OAT: variants seen among roughly 807,000 people sequenced by gnomAD.
OAT encodes ornithine aminotransferase.
OAT carries 35 observed loss-of-function variants against 48.4 expected under a neutral mutation model. That is an observed-to-expected ratio of 0.72 (90% CI 0.55 to 0.96). The LOEUF (loss-of-function observed/expected upper bound fraction) is 0.96. Among genes scored for constraint, OAT ranks in the 40% least tolerant of loss-of-function variants. The pLI, the probability that OAT is intolerant of heterozygous loss-of-function variation, is 0.00. For synonymous variants in OAT, 182 were observed against 198.4 expected (o/e 0.92, Z 0.70); for missense variants, 438 against 537.9 (o/e 0.81, Z 1.84).
intron 4 of OAT, 37 bp downstream of exon 4, chr10:124,408,505 G>T: frequency 6.5e-7 from 1 of 1,535,096 alleles, no homozygotes. Flanking sequence ...TATATTGTAT[G>T]TTTCAATCAT....
intron 9 of OAT, among the ~76,000 whole-genome samples, chr10:124,399,448 C>T (rs1431171234): frequency 2.0e-5 from 3 of 147,244 alleles, no homozygotes; most frequent in Admixed American, 1.4e-4. Context: ...CAGGTTCAAG[C>T]GATTCTCCTG....
At chr10:124,417,342 T>C (rs557004867) in intron 1 of OAT, among the ~76,000 whole-genome samples, 34 of 143,402 alleles carry the variant, frequency 2.4e-4, no homozygotes, top group Non-Finnish European at 3.9e-4. Flanking sequence ...TGGAGTGCAG[T>C]GGCACGATCT....
At chr10:124,407,541 G>A (rs1951619675) in intron 4 of OAT, 1 of 720,800 alleles carries the variant, frequency 1.4e-6, no homozygotes, top group Non-Finnish European at 1.7e-6. Context: ...TTCTTCTTTG[G>A]GAATACCAAT....
intron 9 of OAT, among the ~76,000 whole-genome samples, chr10:124,400,385 TTGCAGTCAGCCAAAATGG>T (rs1951369130): frequency 6.7e-6 from 1 of 148,282 alleles, no homozygotes; most frequent in South Asian, 2.1e-4. Flanking sequence ...GCATCGGAAG[TTGCAGTCAGCCAAAATGG>T]CGCCATTGCA....
At chr10:124,404,012 A>G in intron 5 of OAT, 92 bp from the exon 6 acceptor site, 2 of 1,507,600 alleles carry the variant, frequency 1.3e-6, no homozygotes, top group Non-Finnish European at 1.8e-6. Flanking sequence ...TACATTAAGT[A>G]TGCAAATCAA....
chr10:124,404,617 C>G (rs1951520152), intron 5 of OAT, among the ~76,000 whole-genome samples: 1 of 151,872 alleles, frequency 6.6e-6, no homozygotes, highest in Non-Finnish European at 1.5e-5. Context: ...TAGAGACAGG[C>G]TCTCCCTATG....
chr10:124,411,139 C>CA (rs370084432), intron 2 of OAT, among the ~76,000 whole-genome samples: 2,940 of 15,018 alleles, frequency 0.2, 696 homozygotes, highest in Middle Eastern at 0.25. Flanking sequence ...CATTCCGTCT[C>CA]AAAAAAAAAA....
At chr10:124,415,023 C>T (rs993876056) in intron 1 of OAT, 2 of 127,732 alleles carry the variant, frequency 1.6e-5, no homozygotes, top group Admixed American at 1.0e-4. Flanking sequence ...TTCTGGGCTG[C>T]AGTGAGCCAC....
rs2240882 is a variant in OAT, at chr10:124,403,245, A to C, written c.772-190T>G. 0.29 allele frequency: 186,719 copies of C among 653,408 alleles called. 27,585 individuals are homozygous for C. Among genetic ancestry groups the C allele is most frequent in the Middle Eastern group, 0.32 (1,256 of 3,962 alleles). The allele number at this position is 653,408 out of a possible 1,614,324, so 40.5% of individuals were successfully genotyped here. A position where few individuals can be genotyped will look rare whatever the true frequency, so the allele number is the denominator to read the frequency against. ...TAAGAATCTTGTAGACTCACCAACT[A>C]TTTCCTTTGTCAGGCCACTATCTCC... On this transcript the variant is annotated intron_variant, in intron 6 of 9. Transcript: ENST00000368845.
intron 4 of OAT, chr10:124,407,572 C>A (rs1011831389): frequency 3.9e-5 from 14 of 362,682 alleles, no homozygotes; most frequent in Non-Finnish European, 5.4e-5. Context: ...AAATACCAAT[C>A]ACCTCTGGCC....
chr10:124,406,150 A>G, intron 4 of OAT: 1 of 980,566 alleles, frequency 1.0e-6, no homozygotes. Flanking sequence ...TTTTTTATCC[A>G]TTAATAAAGG....
intron 1 of OAT, among the ~76,000 whole-genome samples, chr10:124,413,094 C>T (rs1951806703): frequency 6.6e-6 from 1 of 152,086 alleles, no homozygotes; most frequent in Non-Finnish European, 1.5e-5. Flanking sequence ...GCCACTGTGC[C>T]CAGCCTAAAA....
At chr10:124,414,593 C>T (rs891749040) in intron 1 of OAT, among the ~76,000 whole-genome samples, 3 of 152,226 alleles carry the variant, frequency 2.0e-5, no homozygotes, top group Admixed American at 2.0e-4. Context: ...AAATGTCTAA[C>T]TGTACTATAT....
chr10:124,408,968 A>C lies in OAT; in HGVS notation c.200-3T>G. On this transcript the variant is annotated splice_polypyrimidine_tract_variant and splice_region_variant and intron_variant, in intron 2 of 9. Coordinates refer to ENST00000368845, the MANE Select transcript of OAT (RefSeq NM_000274.4). ...TTCTACATCCCATAAGTAAATACCT[A>C]AAATACATAAGAAAGGAAAATAATT... The C allele has an allele frequency of 6.2e-7, 1 of 1,603,916 alleles. No homozygotes were observed. Among genetic ancestry groups the C allele is most frequent in the Non-Finnish European group, 8.5e-7 (1 of 1,170,856 alleles).
At chr10:124,398,289 T>C (rs539842645) in intron 9 of OAT, among the ~76,000 whole-genome samples, 187 bp from the exon 10 acceptor site, 1 of 152,044 alleles carries the variant, frequency 6.6e-6, no homozygotes, top group African/African-American at 2.4e-5. Flanking sequence ...GGTGGGTGGA[T>C]CACGAGGTCA....
chr10:124,415,074 TAAAAAAAAAAAAAAAAAAA>T (rs75952005), intron 1 of OAT: 32 of 16,858 alleles, frequency 1.9e-3, no homozygotes, highest in East Asian at 3.8e-3. Flanking sequence ...TACAAAGCGC[TAAAAAAAAAAAAAAAAAAA>T]AAAAAAAAAA....
chr10:124,407,132 AC>A, intron 4 of OAT: 2 of 985,396 alleles, frequency 2.0e-6, no homozygotes, highest in Non-Finnish European at 2.4e-6. Flanking sequence ...AGCATCCCTT[AC>A]CCACAAGTAA....
intron 6 of OAT, 112 bp from the exon 7 acceptor site, chr10:124,403,167 G>T: frequency 8.2e-7 from 1 of 1,212,872 alleles, no homozygotes; most frequent in Non-Finnish European, 1.2e-6. Context: ...ATTCTGATGT[G>T]CCCTCAAATT....
At chr10:124,408,429 T>G (rs1035570781) in intron 4 of OAT, 113 bp downstream of exon 4, 1 of 841,146 alleles carries the variant, frequency 1.2e-6, no homozygotes, top group African/African-American at 1.7e-5. Context: ...CAAAGACTCC[T>G]CCTGCCTTGG....
Sources: allele counts gnomAD v4.1 joint callset (sites outside exome capture counted in the v4.1 genomes callset), GRCh38; gene constraint gnomAD v4.1.1; transcripts MANE v1.5; gene names NCBI Gene and HGNC (gene_info 2026-07-23, HGNC 2026-07-21).